PNMA2: variants seen among roughly 807,000 people sequenced by gnomAD.
The protein encoded by PNMA2 is PNMA family member 2.
For missense variants in PNMA2, 455 were observed against 452.9 expected, an observed-to-expected ratio of 1.00 and a Z score of -0.04; for synonymous variants, 175 against 183.5, an observed-to-expected ratio of 0.95 and a Z score of 0.38.
chr8:26,508,491 A>G lies in PNMA2; in HGVS notation c.265T>C (p.Trp89Arg). Reference sequence around the variant, plus strand: ...TTAGGGGTCTTAAAGATCACCTTCCAGACACCCCCCTTTCCCTGGACCTCA... The same window carrying G: ...TTAGGGGTCTTAAAGATCACCTTCCGGACACCCCCCTTTCCCTGGACCTCA... ...PSEVQGKGGV[W>R]KVIFKTPNQD... The change falls in exon 3 of 3, where the codon TGG becomes CGG. Residue 89 changes from tryptophan (W) to arginine (R), a missense_variant. Trp to Arg is a moderately radical substitution (Grantham distance 101). Transcript: ENST00000522362. This position sits in a 1 kb window ranked among gnomAD's most constrained non-coding sequence, Gnocchi z 5.5. 1 of 1,614,194 alleles carries G rather than the reference A, an allele frequency of 6.2e-7. No individual in the cohort carries two copies. Among genetic ancestry groups the G allele is most frequent in the South Asian group, 1.1e-5 (1 of 91,082 alleles).
Position 26,508,298 on chromosome 8 carries a change from G to A in PNMA2, c.458C>T (p.Ala153Val). 1 of 1,605,442 alleles carries A rather than the reference G, an allele frequency of 6.2e-7. No individual in the cohort carries two copies. The highest frequency in any genetic ancestry group is 8.5e-7 in the Non-Finnish European group (1 of 1,175,488). ...TCTCATGGGTAGCAGGGGCTGAGGC[G>A]CATGTGCCATTGCCTGTCCCAACAA... is the stretch of plus-strand genomic sequence containing the variant. ...AHLLGQAMAHAPQPLLPMRYR... is the reference protein window; with the variant it reads ...AHLLGQAMAHVPQPLLPMRYR... Residue 153 changes from alanine (A) to valine (V), a missense_variant, in exon 3 of 3, where the codon GCG becomes GTG. Coordinates refer to ENST00000522362, the MANE Select transcript of PNMA2 (RefSeq NM_007257.6). The surrounding 1 kb of genome is among the most constrained non-coding windows in gnomAD (Gnocchi z 5.5).
chr8:26,511,596 C>T (rs989455552), intron 1 of PNMA2: 5 of 152,312 alleles, frequency 3.3e-5, no homozygotes, highest in Non-Finnish European at 5.9e-5. Flanking sequence ...TAGTGCGACC[C>T]TGTCTCTACA....
At position 26,508,842 on chromosome 8, in the gene PNMA2, T is replaced by C. The variant is rs1808099911; in HGVS notation, c.-87A>G. 6.6e-7 allele frequency: 1 copy of C among 1,523,192 alleles called. No individual in the cohort carries two copies. The allele number at this position is 1,523,192 out of a possible 1,614,324, so 94.4% of individuals were successfully genotyped here. A position where few individuals can be genotyped will look rare whatever the true frequency, so the allele number is the denominator to read the frequency against. ...CACTGACTTAATATTGAAAATATCC[T>C]GGATGAGCTTCTAACCTTAGAACCC... On this transcript the variant is annotated 5_prime_UTR_variant, in exon 3 of 3. Coordinates refer to ENST00000522362, the MANE Select transcript of PNMA2 (RefSeq NM_007257.6). This position sits in a 1 kb window ranked among gnomAD's most constrained non-coding sequence, Gnocchi z 5.5.
At chr8:26,511,813 C>G (rs1808160464) in intron 1 of PNMA2, 1 of 152,322 alleles carries the variant, frequency 6.6e-6, no homozygotes, top group Admixed American at 6.5e-5. Context: ...TGGGGGCAAC[C>G]TTCCTCCCCA....
chr8:26,511,723 G>GCAAA (rs1159449082), intron 1 of PNMA2: 3 of 152,228 alleles, frequency 2.0e-5, no homozygotes, highest in African/African-American at 7.2e-5. Flanking sequence ...ACAGTGAGTT[G>GCAAA]CGTTTGCACC....
In PNMA2 at chr8:26,508,715, C is replaced by G; in HGVS notation, c.41G>C (p.Ser14Thr). The G allele has an allele frequency of 6.2e-7, 1 of 1,613,974 alleles. No individual in the cohort carries two copies. The highest frequency in any genetic ancestry group is 8.5e-7 in the Non-Finnish European group (1 of 1,179,920). The change falls in exon 3 of 3, where the codon AGT becomes ACT. Residue 14 changes from serine (S) to threonine (T), a missense_variant. By Grantham distance (58) the Ser-to-Thr change is moderately conservative (BLOSUM62 1). Transcript: ENST00000522362. This position sits in a 1 kb window ranked among gnomAD's most constrained non-coding sequence, Gnocchi z 5.5. The stretch of plus-strand genomic sequence containing the variant: ...CATCAGTGACTTCTGCTCATCCACA[C>G]TCATTATCCTGCACCAGTCCTCTAA... ...ALLEDWCRIM[S>T]VDEQKSLMVT...
At position 26,509,876 on chromosome 8, in the gene PNMA2, A is replaced by G. The variant is rs1257921717; in HGVS notation, c.-618-199T>C. Among the ~76,000 whole-genome samples, 3 of 152,274 alleles carry G rather than the reference A, an allele frequency of 2.0e-5. No homozygotes were observed. Among genetic ancestry groups the G allele is most frequent in the South Asian group, 2.1e-4 (1 of 4,830 alleles). ...TAGTTTAATCTAGGTATAACAATTC[A>G]GGGAAAAAAATCTCAGGGCCGACTA... On this transcript the variant is annotated intron_variant, in intron 1 of 2. Transcript: ENST00000522362. This position sits in a 1 kb window ranked among gnomAD's most constrained non-coding sequence, Gnocchi z 5.7.
Position 26,508,289 on chromosome 8 carries a change from G to A in PNMA2, c.467C>T (p.Pro156Leu), listed in dbSNP as rs770155605. ...LGQAMAHAPQ[P>L]LLPMRYRKLR... ...TTTCCGGTATCTCATGGGTAGCAGG[G>A]GCTGAGGCGCATGTGCCATTGCCTG... Residue 156 changes from proline (P) to leucine (L), a missense_variant, in exon 3 of 3, where the codon CCC becomes CTC. Pro to Leu is a moderately conservative substitution (Grantham distance 98). Coordinates refer to ENST00000522362, the MANE Select transcript of PNMA2 (RefSeq NM_007257.6). The surrounding 1 kb of genome is among the most constrained non-coding windows in gnomAD (Gnocchi z 5.5). 11 of 1,603,552 alleles carry A rather than the reference G, an allele frequency of 6.9e-6. No homozygotes were observed. The highest frequency in any genetic ancestry group is 9.4e-6 in the Non-Finnish European group (11 of 1,174,552).
Position 26,508,350 on chromosome 8 carries a change from AGGGCACTGTGGCT to A in PNMA2, c.393_405del (p.Thr133SerfsTer24). Reference sequence around the variant, plus strand: ...TGGGCCAGTAATTCTGGTGAGATGCAGGGCACTGTGGCTGGAGACACGCCCTCCTGCCCCAGGG... The same window carrying A: ...TGGGCCAGTAATTCTGGTGAGATGCAGGAGACACGCCCTCCTGCCCCAGGG... On this transcript the variant is annotated frameshift_variant, in exon 3 of 3. Coordinates refer to ENST00000522362, the MANE Select transcript of PNMA2 (RefSeq NM_007257.6). LOFTEE classifies it high-confidence loss of function. The surrounding 1 kb of genome is among the most constrained non-coding windows in gnomAD (Gnocchi z 5.5). 6.2e-7 allele frequency: 1 copy of A among 1,613,886 alleles called. No individual in the cohort carries two copies. Among genetic ancestry groups the A allele is most frequent in the Non-Finnish European group, 8.5e-7 (1 of 1,179,850 alleles).
Position 26,507,670 on chromosome 8 carries a change from T to C in PNMA2, c.1086A>G (p.Gly362=), listed in dbSNP as rs765315643. Residue 362 remains glycine, a synonymous_variant, in exon 3 of 3, where the codon GGA becomes GGG. Transcript: ENST00000522362. ...TGCCCCCAGGTGGTTTTCAGTCGTC[T>C]CCCTCATGATTCCAGCGGCCATAGC... is the stretch of plus-strand genomic sequence containing the variant. ...RDGYGRWNHE[G]DD 9 of 1,546,486 alleles carry C rather than the reference T, an allele frequency of 5.8e-6. No individual in the cohort carries two copies.
At position 26,508,212 on chromosome 8, in the gene PNMA2, C is replaced by T. The variant is rs2117579371; in HGVS notation, c.544G>A (p.Glu182Lys). ...TCCGTGGCCTGTTCCAACCAGACCT[C>T]AAAGGACTCTTCCTCTGGGGCTGGG... The part of the protein sequence containing the change: ...AVPAPEEESF[E>K]VWLEQATEIV... The change falls in exon 3 of 3, where the codon GAG becomes AAG. Residue 182 changes from glutamate (E) to lysine (K), a missense_variant. Coordinates refer to ENST00000522362, the MANE Select transcript of PNMA2 (RefSeq NM_007257.6). This position sits in a 1 kb window ranked among gnomAD's most constrained non-coding sequence, Gnocchi z 5.5. The T allele has an allele frequency of 6.2e-7, 1 of 1,610,434 alleles. No homozygotes were observed.
rs1808054831 is a variant in PNMA2 at position 26,507,087 on chromosome 8, A to G, written c.*574T>C. ...TTGGAGTTTAATCTTTTGTTCATTA[A>G]TAATCTACATAGGGTCTAAGAAACT... is the stretch of plus-strand genomic sequence containing the variant. On this transcript the variant is annotated 3_prime_UTR_variant, in exon 3 of 3. Coordinates refer to ENST00000522362, the MANE Select transcript of PNMA2 (RefSeq NM_007257.6). 6.6e-6 allele frequency: 1 copy of G among 152,188 alleles called. No individual in the cohort carries two copies. Among genetic ancestry groups the G allele is most frequent in the African/African-American group, 2.4e-5 (1 of 41,448 alleles). The allele number at this position is 152,188 out of a possible 1,614,324, so 9.4% of individuals were successfully genotyped here.
rs1300669600 is a variant in PNMA2, at chr8:26,506,476, C to G, written c.*1185G>C. ...TTGGGGACACCTCTCAGGCTGTGGA[C>G]CTCTGGAAAGTAAAGCTTAGGTTGA... On this transcript the variant is annotated 3_prime_UTR_variant, in exon 3 of 3. Transcript: ENST00000522362. The surrounding 1 kb of genome is among the most constrained non-coding windows in gnomAD (Gnocchi z 4.4). The G allele has an allele frequency of 3.3e-5, 5 of 152,262 alleles. No homozygotes were observed. The highest frequency in any genetic ancestry group is 7.3e-5 in the Non-Finnish European group (5 of 68,106). 9.4% of individuals were successfully genotyped at this position (152,262 alleles called of 1,614,324 possible).
At chr8:26,510,807 C>T (rs771753489) in intron 1 of PNMA2, among the ~76,000 whole-genome samples, 1 of 152,186 alleles carries the variant, frequency 6.6e-6, no homozygotes, top group Non-Finnish European at 1.5e-5. Flanking sequence ...GGAGGAAGCA[C>T]ACCTATCAAG....
At chr8:26,511,486 G>C (rs1376469274) in intron 1 of PNMA2, among the ~76,000 whole-genome samples, 5 of 152,112 alleles carry the variant, frequency 3.3e-5, no homozygotes, top group Admixed American at 1.3e-4. Context: ...TGGGGACTGT[G>C]GGGGAGGGCC....
Position 26,508,204 on chromosome 8 carries a change from C to T in PNMA2, c.552G>A (p.Trp184Ter), listed in dbSNP as rs770201366. 6.2e-7 allele frequency: 1 copy of T among 1,612,074 alleles called. No individual in the cohort carries two copies. The highest frequency in any genetic ancestry group is 8.5e-7 in the Non-Finnish European group (1 of 1,179,034). The change falls in exon 3 of 3, where the codon TGG becomes TGA. Residue 184 changes from tryptophan (W) to a stop codon, truncating the protein, a stop_gained. Transcript: ENST00000522362. LOFTEE classifies it high-confidence loss of function. The surrounding 1 kb of genome is among the most constrained non-coding windows in gnomAD (Gnocchi z 5.5). ...PAPEEESFEV[W>*]LEQATEIVKE... is the part of the protein sequence containing the mutation. ...TGACTATCTCCGTGGCCTGTTCCAA[C>T]CAGACCTCAAAGGACTCTTCCTCTG...
intron 1 of PNMA2, among the ~76,000 whole-genome samples, chr8:26,512,394 A>T (rs973303896): frequency 2.0e-5 from 3 of 152,154 alleles, no homozygotes; most frequent in African/African-American, 7.2e-5. Context: ...TCTGTTTCTC[A>T]TCCGGAGACG....
chr8:26,509,082 A>T lies in PNMA2; in HGVS notation c.-327T>A. 1 of 289,962 alleles carries T rather than the reference A, an allele frequency of 3.4e-6. No individual in the cohort carries two copies. Among genetic ancestry groups the T allele is most frequent in the South Asian group, 1.3e-4 (1 of 7,814 alleles). The allele number at this position is 289,962 out of a possible 1,614,324, so 18.0% of individuals were successfully genotyped here. On this transcript the variant is annotated 5_prime_UTR_variant, in exon 3 of 3. Transcript: ENST00000522362. The surrounding 1 kb of genome is among the most constrained non-coding windows in gnomAD (Gnocchi z 5.7). ...TCTCAAAGATGCTGGCAGCCACGTGACGCTGACCCTTCTCTGATAGTTGAG... is the reference window on the plus strand; with the variant it reads ...TCTCAAAGATGCTGGCAGCCACGTGTCGCTGACCCTTCTCTGATAGTTGAG...
rs879589611 is a variant in PNMA2, at chr8:26,504,843, G to C, written c.*2818C>G. The C allele has an allele frequency of 6.6e-6, 1 of 152,566 alleles. No individual in the cohort carries two copies. Among genetic ancestry groups the C allele is most frequent in the Non-Finnish European group, 1.5e-5 (1 of 68,044 alleles). 9.5% of individuals were successfully genotyped at this position (152,566 alleles called of 1,614,324 possible). The stretch of plus-strand genomic sequence containing the variant: ...TCATGGTAACCACTGCATCACTTTG[G>C]TGGAACAGTATTAAAAATAGAATTT... On this transcript the variant is annotated 3_prime_UTR_variant, in exon 3 of 3. Coordinates refer to ENST00000522362, the MANE Select transcript of PNMA2 (RefSeq NM_007257.6).
Sources: gnomAD v4.1 joint callset for allele counts (sites outside exome capture counted in the v4.1 genomes callset) on GRCh38, gnomAD v4.1.1 for gene constraint, Gnocchi (gnomAD v3.1) non-coding constraint, MANE v1.5 for transcripts, NCBI Gene and HGNC (gene_info 2026-07-23, HGNC 2026-07-21) for gene names.